The following MYBPHL variants were observed in gnomAD, a reference collection of about 807,000 sequenced individuals.
The protein encoded by MYBPHL is myosin-binding protein H-like.
In MYBPHL, 32 loss-of-function variants were observed where a neutral mutation model predicts 39.5. The observed-to-expected ratio is 0.81, with a 90% CI of 0.61 to 1.09. MYBPHL has a LOEUF of 1.09. Among genes scored for constraint, MYBPHL ranks in the 50% least tolerant of loss-of-function variants. The pLI is 0.00. For synonymous variants in MYBPHL, 196 were observed against 183.7 expected, an observed-to-expected ratio of 1.07 and a Z score of -0.54; for missense variants, 456 against 460.2, an observed-to-expected ratio of 0.99 and a Z score of 0.08.
intron 6 of MYBPHL, among the ~76,000 whole-genome samples, chr1:109,295,795 T>A (rs1005512758): frequency 6.6e-6 from 1 of 152,214 alleles, no homozygotes; most frequent in African/African-American, 2.4e-5. Context: ...AATGGTGTTT[T>A]CTGCTGTGTG....
At position 109,306,923 on chromosome 1, in the gene MYBPHL, C is replaced by T. The variant is rs1658490407; in HGVS notation, c.69G>A (p.Ala23=). 19 of 1,609,938 alleles carry T rather than the reference C, an allele frequency of 1.2e-5. No individual in the cohort carries two copies. The highest frequency in any genetic ancestry group is 3.4e-5 in the Admixed American group (2 of 59,526). The change falls in exon 1 of 9, where the codon GCG becomes GCA. Residue 23 remains alanine, a synonymous_variant. Coordinates refer to ENST00000357155, the MANE Select transcript of MYBPHL (RefSeq NM_001010985.3). ...SKLKVKEASP[A]DAEPPQASPG... ...GTGAAGCCTGGGGTGGTTCAGCATC[C>T]GCTGGGCTGGCTTCTTTCACCTTCA... is the stretch of plus-strand genomic sequence containing the variant.
intron 1 of MYBPHL, among the ~76,000 whole-genome samples, chr1:109,301,452 T>C (rs1171044135): frequency 6.6e-6 from 1 of 152,182 alleles, no homozygotes; most frequent in Non-Finnish European, 1.5e-5. Flanking sequence ...TAGAGAAAAC[T>C]ACTTCAGGCC....
intron 1 of MYBPHL, among the ~76,000 whole-genome samples, chr1:109,303,667 G>T (rs1428596644): frequency 3.3e-5 from 5 of 152,230 alleles, no homozygotes; most frequent in Admixed American, 3.3e-4. Context: ...GATCTTGCTA[G>T]TGTCTAAGGC....
intron 6 of MYBPHL, 61 bp from the exon 7 acceptor site, chr1:109,295,358 C>T: frequency 6.7e-7 from 1 of 1,482,368 alleles, no homozygotes; most frequent in African/African-American, 1.4e-5. Flanking sequence ...AATAGTCTTT[C>T]TGTGCTCAGT....
At chr1:109,296,409 A>G in intron 5 of MYBPHL, 39 bp from the exon 6 acceptor site, 1 of 1,605,248 alleles carries the variant, frequency 6.2e-7, no homozygotes, top group Non-Finnish European at 8.5e-7. Flanking sequence ...AGCTTCTGAG[A>G]TCCCAGCCCT....
At chr1:109,294,393 C>A in intron 7 of MYBPHL, 144 bp from the exon 8 acceptor site, 2 of 723,130 alleles carry the variant, frequency 2.8e-6, no homozygotes, top group East Asian at 2.7e-5. Context: ...TAGAGAAGAA[C>A]AGGACATGTA....
At chr1:109,305,770 TAA>T (rs1658445798) in intron 1 of MYBPHL, among the ~76,000 whole-genome samples, 1 of 152,228 alleles carries the variant, frequency 6.6e-6, no homozygotes, top group African/African-American at 2.4e-5. Flanking sequence ...CCCATGAGGA[TAA>T]GAGGCAGACA....
At chr1:109,305,933 T>C (rs1003433884) in intron 1 of MYBPHL, among the ~76,000 whole-genome samples, 3 of 152,216 alleles carry the variant, frequency 2.0e-5, no homozygotes, top group Admixed American at 2.0e-4. Context: ...AGGTAGATGT[T>C]ATTAATCACC....
chr1:109,297,816 C>CT (rs1187354940), intron 2 of MYBPHL, among the ~76,000 whole-genome samples, 199 bp from the exon 3 acceptor site: 3 of 152,200 alleles, frequency 2.0e-5, no homozygotes, highest in Non-Finnish European at 4.4e-5. Flanking sequence ...AGAGGGATGG[C>CT]TTTGAGTCTC....
intron 6 of MYBPHL, among the ~76,000 whole-genome samples, chr1:109,295,649 A>G (rs1006201824): frequency 6.6e-6 from 1 of 152,140 alleles, no homozygotes; most frequent in Non-Finnish European, 1.5e-5. Context: ...CCCACTGCTG[A>G]CTTGTGAGTT....
At chr1:109,293,076 A>G (rs1409917044) in intron 8 of MYBPHL, 7 of 152,208 alleles carry the variant, frequency 4.6e-5, no homozygotes, top group Non-Finnish European at 8.8e-5. Context: ...AGGAATCCAT[A>G]AGCTTCAAAG....
At chr1:109,304,190 G>A (rs573807473) in intron 1 of MYBPHL, among the ~76,000 whole-genome samples, 1 of 152,294 alleles carries the variant, frequency 6.6e-6, no homozygotes, top group East Asian at 1.9e-4. Flanking sequence ...ACTTCCATGA[G>A]GGCAGTTATT....
At position 109,303,855 on chromosome 1, in the gene MYBPHL, C is replaced by T. The variant is rs571275253; in HGVS notation, c.145+2992G>A. On this transcript the variant is annotated intron_variant, in intron 1 of 8. Transcript: ENST00000357155. ...CTGAAATACTGCCACTGTCTCCCTC[C>T]CTGTGCTACAGCCACAATGGCCCCA... Among the ~76,000 whole-genome samples, 276 of 152,352 alleles carry T rather than the reference C, an allele frequency of 1.8e-3. 2 individuals carry two copies. Among genetic ancestry groups the T allele is most frequent in the African/African-American group, 6.2e-3 (259 of 41,570 alleles).
chr1:109,298,149 T>C lies in MYBPHL; in HGVS notation c.234+20A>G. On this transcript the variant is annotated intron_variant, in intron 2 of 8. Transcript: ENST00000357155. Reference sequence around the variant, plus strand: ...GCACTGGCCCCAGACATGGACCCAGTATGGGGCTGGCATGATCACCTGGAA... The same window carrying C: ...GCACTGGCCCCAGACATGGACCCAGCATGGGGCTGGCATGATCACCTGGAA... 3 of 1,587,794 alleles carry C rather than the reference T, an allele frequency of 1.9e-6. No individual in the cohort carries two copies. The highest frequency in any genetic ancestry group is 2.6e-6 in the Non-Finnish European group (3 of 1,168,190).
intron 2 of MYBPHL, 88 bp downstream of exon 2, chr1:109,298,081 C>T: frequency 1.7e-6 from 2 of 1,157,308 alleles, no homozygotes; most frequent in Non-Finnish European, 2.5e-6. Context: ...GATTGCCCCT[C>T]TGCTAGCAGG....
At chr1:109,299,193 G>A (rs1484172212) in intron 1 of MYBPHL, among the ~76,000 whole-genome samples, 2 of 152,198 alleles carry the variant, frequency 1.3e-5, no homozygotes, top group Non-Finnish European at 2.9e-5. Flanking sequence ...TCAGGCACAG[G>A]CAGTCGCCTG....
At chr1:109,303,224 G>A (rs1356458500) in intron 1 of MYBPHL, among the ~76,000 whole-genome samples, 1 of 151,626 alleles carries the variant, frequency 6.6e-6, no homozygotes, top group African/African-American at 2.4e-5. Flanking sequence ...CAATTCTTTG[G>A]CACCACTGAG....
At chr1:109,296,441 ATT>A (rs59806839) in intron 5 of MYBPHL, 71 bp from the exon 6 acceptor site, 22,192 of 1,348,976 alleles carry the variant, frequency 0.016, no homozygotes, top group East Asian at 0.019. Context: ...TATCCTTAGT[ATT>A]TTTTTTTTTT....
chr1:109,296,185 C>A, intron 6 of MYBPHL, 49 bp downstream of exon 6: 1 of 1,601,596 alleles, frequency 6.2e-7, no homozygotes, highest in Admixed American at 1.8e-5. Context: ...TTAGGACAGG[C>A]AGGAACAAGA....
Sources: allele counts gnomAD v4.1 joint callset (sites outside exome capture counted in the v4.1 genomes callset), GRCh38; gene constraint gnomAD v4.1.1; transcripts MANE v1.5; gene names NCBI Gene and HGNC (gene_info 2026-07-23, HGNC 2026-07-21).